The following NAA15 variants were observed in gnomAD, a reference collection of about 807,000 sequenced individuals.
NAA15 encodes the protein N-alpha-acetyltransferase 15, NatA auxiliary subunit, also known as N-terminal acetyltransferase.
Under a neutral mutation model 114.0 loss-of-function variants are expected in NAA15, and 34 were observed. The ratio of observed to expected loss-of-function variants is 0.30; its 90% CI spans 0.23 to 0.40. The LOEUF is 0.40. NAA15 is among the 10% of genes least tolerant of loss of function. NAA15 has a pLI of 1.00. For missense variants in NAA15, 658 were observed against 1,004.5 expected (o/e 0.66, Z 4.66); for synonymous variants, 340 against 338.0 (o/e 1.01, Z -0.06).
At chr4:139,304,104 G>C (rs1032413633) in intron 1 of NAA15, among the ~76,000 whole-genome samples, 4 of 152,150 alleles carry the variant, frequency 2.6e-5, no homozygotes, top group African/African-American at 4.8e-5. Flanking sequence ...TTTTTTAGTA[G>C]AGACGGGGTT....
At chr4:139,348,683 G>C (rs981056747) in intron 6 of NAA15, among the ~76,000 whole-genome samples, 12 of 152,252 alleles carry the variant, frequency 7.9e-5, no homozygotes, top group African/African-American at 2.6e-4. Flanking sequence ...TGAAACCACT[G>C]TCTCTCTCTC....
At chr4:139,378,416 A>G (rs560846986) in intron 16 of NAA15, among the ~76,000 whole-genome samples, 5 of 152,346 alleles carry the variant, frequency 3.3e-5, no homozygotes, top group East Asian at 1.9e-4. Flanking sequence ...AATATACACA[A>G]TGAAATTTTC....
chr4:139,371,464 CTCTG>C (rs1230353727), intron 15 of NAA15, among the ~76,000 whole-genome samples: 2 of 143,346 alleles, frequency 1.4e-5, no homozygotes, highest in Non-Finnish European at 3.0e-5. Flanking sequence ...CATAGCAAGA[CTCTG>C]TCTCTTAAAA....
intron 1 of NAA15, among the ~76,000 whole-genome samples, chr4:139,321,884 T>C (rs1746630861): frequency 6.6e-6 from 1 of 152,146 alleles, no homozygotes; most frequent in Non-Finnish European, 1.5e-5. Flanking sequence ...GTCATTGTTA[T>C]TAATATTTCT....
intron 7 of NAA15, 87 bp from the exon 8 acceptor site, chr4:139,351,104 T>G: frequency 1.7e-6 from 1 of 582,026 alleles, no homozygotes; most frequent in Non-Finnish European, 2.9e-6. Context: ...TATTAGAATT[T>G]TAATATACTT....
At chr4:139,329,629 C>T (rs963525287) in intron 1 of NAA15, among the ~76,000 whole-genome samples, 6 of 152,146 alleles carry the variant, frequency 3.9e-5, no homozygotes, top group African/African-American at 1.2e-4. Flanking sequence ...TCCATTCTGG[C>T]AAGTTGGAAC....
Position 139,301,589 on chromosome 4 carries a change from G to T in NAA15, c.-189G>T. The T allele has an allele frequency of 1.6e-6, 1 of 639,716 alleles. No homozygotes were observed. Among genetic ancestry groups the T allele is most frequent in the East Asian group, 3.0e-5 (1 of 33,356 alleles). 39.6% of individuals were successfully genotyped at this position (639,716 alleles called of 1,614,324 possible). A position where few individuals can be genotyped will look rare whatever the true frequency, so the allele number is the denominator to read the frequency against. The stretch of plus-strand genomic sequence containing the variant: ...GGGAGGCGGCGGCAGCGTTAAGTGA[G>T]AAAGGAAAAAAGACAACGAGGAAAA... On this transcript the variant is annotated 5_prime_UTR_variant, in exon 1 of 20. Transcript: ENST00000296543.
chr4:139,327,414 T>C (rs1379775287), intron 1 of NAA15, among the ~76,000 whole-genome samples: 2 of 152,144 alleles, frequency 1.3e-5, no homozygotes, highest in Non-Finnish European at 2.9e-5. Context: ...CACGCCCAGC[T>C]AATTTTTAAA....
At chr4:139,308,776 C>T in intron 1 of NAA15, among the ~76,000 whole-genome samples, 1 of 152,162 alleles carries the variant, frequency 6.6e-6, no homozygotes, top group Non-Finnish European at 1.5e-5. Flanking sequence ...CCACCACACC[C>T]AGCTAAGTTT....
chr4:139,349,631 A>G (rs777195848), intron 7 of NAA15, 50 bp downstream of exon 7: 42 of 1,505,422 alleles, frequency 2.8e-5, no homozygotes, highest in Admixed American at 6.5e-5. Context: ...TTGTTAATAT[A>G]TATTTTATTT....
At chr4:139,363,785 T>C (rs1748202430) in intron 14 of NAA15, among the ~76,000 whole-genome samples, 1 of 152,244 alleles carries the variant, frequency 6.6e-6, no homozygotes, top group South Asian at 2.1e-4. Context: ...TTTTCTTTTA[T>C]TTTACATTAT....
chr4:139,362,050 T>C (rs1361885837), intron 14 of NAA15, 113 bp downstream of exon 14: 1 of 596,768 alleles, frequency 1.7e-6, no homozygotes, highest in Non-Finnish European at 2.7e-6. Context: ...AGGAAAGATA[T>C]TATACAAGGT....
chr4:139,369,257 C>T (rs562684018), intron 14 of NAA15, among the ~76,000 whole-genome samples: 35 of 152,262 alleles, frequency 2.3e-4, no homozygotes, highest in African/African-American at 7.7e-4. Flanking sequence ...CATAACTAAG[C>T]GAGCATAGTC....
chr4:139,358,044 A>T (rs1560972810), intron 11 of NAA15, among the ~76,000 whole-genome samples: 2 of 152,310 alleles, frequency 1.3e-5, no homozygotes, highest in East Asian at 3.9e-4. Flanking sequence ...TCATCTTAAA[A>T]TAAAGTTGGC....
At chr4:139,339,549 G>C (rs1747317314) in intron 3 of NAA15, among the ~76,000 whole-genome samples, 1 of 151,952 alleles carries the variant, frequency 6.6e-6, no homozygotes, top group Non-Finnish European at 1.5e-5. Flanking sequence ...AGGAGATCAA[G>C]ACCATCCTGG....
chr4:139,361,987 A>G (rs779835058), intron 14 of NAA15, 50 bp downstream of exon 14: 4 of 1,307,944 alleles, frequency 3.1e-6, no homozygotes, highest in African/African-American at 2.9e-5. Flanking sequence ...ATGTGTATTT[A>G]TGTGTATTAT....
At chr4:139,348,880 A>G (rs1747687808) in intron 6 of NAA15, among the ~76,000 whole-genome samples, 1 of 152,214 alleles carries the variant, frequency 6.6e-6, no homozygotes, top group Non-Finnish European at 1.5e-5. Context: ...CAGTGAGTCG[A>G]CAAGTTGCTG....
intron 15 of NAA15, among the ~76,000 whole-genome samples, chr4:139,372,225 C>A (rs1748463282): frequency 6.6e-6 from 1 of 152,106 alleles, no homozygotes; most frequent in African/African-American, 2.4e-5. Context: ...CCATGTATTT[C>A]TTAAGGAGAG....
chr4:139,306,457 A>T (rs968374994), intron 1 of NAA15, among the ~76,000 whole-genome samples: 1 of 151,788 alleles, frequency 6.6e-6, no homozygotes, highest in African/African-American at 2.4e-5. Flanking sequence ...CTGGTCTTGA[A>T]CTAGTGACCT....
Sources: gnomAD v4.1 joint callset for allele counts (sites outside exome capture counted in the v4.1 genomes callset) on GRCh38, gnomAD v4.1.1 for gene constraint, MANE v1.5 for transcripts, NCBI Gene and HGNC (gene_info 2026-07-23, HGNC 2026-07-21) for gene names.